The following STPG2 variants were observed in gnomAD, a reference collection of about 807,000 sequenced individuals.
STPG2 encodes the protein sperm tail PG-rich repeat containing 2.
Under a neutral mutation model 54.2 loss-of-function variants are expected in STPG2, and 56 were observed. The ratio of observed to expected loss-of-function variants is 1.03; its 90% CI spans 0.83 to 1.29. STPG2 has a LOEUF of 1.29. Among genes scored for constraint, STPG2 ranks in the 50% most tolerant of loss-of-function variants. The pLI is 0.00. For missense variants in STPG2, 596 were observed against 544.9 expected (o/e 1.09, Z -0.93); for synonymous variants, 200 against 181.8 (o/e 1.10, Z -0.81).
At chr4:98,014,555 C>T (rs534357750) in intron 5 of STPG2, among the ~76,000 whole-genome samples, 1 of 152,236 alleles carries the variant, frequency 6.6e-6, no homozygotes, top group African/African-American at 2.4e-5. Context: ...GCCCTGTGCA[C>T]ATAACTGTTT....
chr4:97,662,158 A>G (rs1222589704), intron 10 of STPG2, among the ~76,000 whole-genome samples: 1 of 152,182 alleles, frequency 6.6e-6, no homozygotes, highest in Non-Finnish European at 1.5e-5. Context: ...TCCAGACTCT[A>G]TAAGAAATTA....
rs1733105746 is a variant in STPG2 at position 97,944,041 on chromosome 4, T to C, written c.934-34A>G. 2.9e-6 allele frequency: 4 copies of C among 1,389,226 alleles called. No homozygotes were observed. The African/African-American group carries it at 5.7e-5, about 20-fold the overall frequency. The allele number at this position is 1,389,226 out of a possible 1,614,324, so 86.1% of individuals were successfully genotyped here. Reference sequence around the variant, plus strand: ...AGAAGGGGTTAAAAAGAGTACATCATTTATTTTTATCAATACAAGAGGCAC... The same window carrying C: ...AGAAGGGGTTAAAAAGAGTACATCACTTATTTTTATCAATACAAGAGGCAC... On this transcript the variant is annotated intron_variant, in intron 7 of 10. Coordinates refer to ENST00000295268, the MANE Select transcript of STPG2 (RefSeq NM_174952.3).
chr4:97,892,889 C>T (rs1194923809), intron 8 of STPG2, among the ~76,000 whole-genome samples: 1 of 152,138 alleles, frequency 6.6e-6, no homozygotes, highest in Non-Finnish European at 1.5e-5. Context: ...TCTTTGCCTA[C>T]TTCTACTTTG....
At chr4:97,493,734 G>A (rs1044787428) in intron 4 of STPG2, among the ~76,000 whole-genome samples, 12 of 151,442 alleles carry the variant, frequency 7.9e-5, no homozygotes, top group Non-Finnish European at 1.3e-4. Flanking sequence ...TGTACTAAAG[G>A]AGATACTGTT....
chr4:97,913,218 T>C (rs965836897), intron 8 of STPG2, among the ~76,000 whole-genome samples: 4 of 152,216 alleles, frequency 2.6e-5, no homozygotes, highest in Non-Finnish European at 5.9e-5. Flanking sequence ...ATTCTATTTT[T>C]CTTCATCTTT....
At chr4:97,865,693 G>A (rs1729745159) in intron 8 of STPG2, among the ~76,000 whole-genome samples, 1 of 151,746 alleles carries the variant, frequency 6.6e-6, no homozygotes, top group East Asian at 1.9e-4. Flanking sequence ...ACACATCGGG[G>A]CCTGTTGTGG....
chr4:98,072,745 T>C (rs1738045245), intron 5 of STPG2, among the ~76,000 whole-genome samples: 1 of 152,182 alleles, frequency 6.6e-6, no homozygotes, highest in Non-Finnish European at 1.5e-5. Context: ...AGAGCCAAGA[T>C]GTTACTATTG....
At chr4:97,762,372 G>C (rs1725914928) in intron 9 of STPG2, among the ~76,000 whole-genome samples, 1 of 152,128 alleles carries the variant, frequency 6.6e-6, no homozygotes, top group African/African-American at 2.4e-5. Context: ...GGGAACATTA[G>C]ACTCAGACCT....
intron 4 of STPG2, among the ~76,000 whole-genome samples, chr4:97,457,247 CTT>C (rs1014714597): frequency 5.3e-5 from 8 of 152,296 alleles, no homozygotes; most frequent in Non-Finnish European, 1.0e-4. Flanking sequence ...TGATCATACT[CTT>C]TGTTATTTAA....
At chr4:97,932,502 C>T (rs1732589278) in intron 8 of STPG2, among the ~76,000 whole-genome samples, 1 of 152,094 alleles carries the variant, frequency 6.6e-6, no homozygotes, top group Admixed American at 6.6e-5. Context: ...AGCTATTTTT[C>T]CTGATGCTCT....
chr4:97,578,843 G>T (rs986443269), intron 10 of STPG2, among the ~76,000 whole-genome samples: 1 of 151,986 alleles, frequency 6.6e-6, no homozygotes, highest in Non-Finnish European at 1.5e-5. Flanking sequence ...TAAGCACCTC[G>T]TTACTTAGGT....
At chr4:97,694,907 A>T (rs1207518160) in intron 10 of STPG2, among the ~76,000 whole-genome samples, 3 of 151,452 alleles carry the variant, frequency 2.0e-5, no homozygotes, top group African/African-American at 7.3e-5. Context: ...TCTACGAGAC[A>T]TTCAAAGAAG....
intron 5 of STPG2, among the ~76,000 whole-genome samples, chr4:97,984,050 T>A (rs1283449228): frequency 5.9e-5 from 7 of 118,554 alleles, no homozygotes. Flanking sequence ...GATTATCAAC[T>A]TTTTTGCTCA....
chr4:97,842,978 ACT>A (rs1728845549), intron 8 of STPG2, among the ~76,000 whole-genome samples: 1 of 151,814 alleles, frequency 6.6e-6, no homozygotes, highest in African/African-American at 2.4e-5. Flanking sequence ...CAAATCTGAA[ACT>A]CTGTCTAATA....
At chr4:97,497,982 A>C (rs377072036) in intron 4 of STPG2, among the ~76,000 whole-genome samples, 2 of 151,886 alleles carry the variant, frequency 1.3e-5, no homozygotes, top group African/African-American at 4.8e-5. Context: ...AGTTCCCCTG[A>C]CTGTGTGCAG....
At chr4:97,963,382 C>A (rs544136137) in intron 7 of STPG2, among the ~76,000 whole-genome samples, 1 of 151,480 alleles carries the variant, frequency 6.6e-6, no homozygotes, top group African/African-American at 2.4e-5. Flanking sequence ...ATATACTGGG[C>A]GTGGTGGCTC....
intron 3 of STPG2, among the ~76,000 whole-genome samples, chr4:98,116,254 A>AC (rs1319571545): frequency 6.6e-6 from 1 of 150,620 alleles, no homozygotes; most frequent in East Asian, 1.9e-4. Flanking sequence ...TTCTGAAACA[A>AC]AAAAAAAATA....
At chr4:97,986,249 T>A (rs1734828978) in intron 5 of STPG2, among the ~76,000 whole-genome samples, 1 of 152,230 alleles carries the variant, frequency 6.6e-6, no homozygotes, top group Admixed American at 6.5e-5. Context: ...TTAAATAAGA[T>A]AATCAGAGCC....
intron 10 of STPG2, among the ~76,000 whole-genome samples, chr4:97,637,258 T>A (rs1202453557): frequency 6.6e-6 from 1 of 152,206 alleles, no homozygotes; most frequent in Non-Finnish European, 1.5e-5. Context: ...ATTATCTCAA[T>A]AGATGCAGAA....
Sources: gnomAD v4.1 joint callset for allele counts (sites outside exome capture counted in the v4.1 genomes callset) on GRCh38, gnomAD v4.1.1 for gene constraint, MANE v1.5 for transcripts, NCBI Gene and HGNC (gene_info 2026-07-23, HGNC 2026-07-21) for gene names.